GARIN6: variants seen among roughly 807,000 people sequenced by gnomAD.
GARIN6 encodes Golgi-associated RAB2 interactor protein 6.
At chr12:99,649,225 C>G in the GARIN6 span, 1 of 1,250,076 alleles carries the variant, frequency 8.0e-7, no homozygotes, top group Admixed American at 1.7e-5. Flanking sequence ...TGTTGTTTAC[C>G]TATAGGAAGA....
chr12:99,648,368 G>A, the GARIN6 span: 24 of 1,613,970 alleles, frequency 1.5e-5, no homozygotes, highest in Middle Eastern at 1.6e-4. Flanking sequence ...GTGCACAACC[G>A]TGCCCGAATG....
At chr12:99,648,301 G>A in the GARIN6 span, 2 of 1,614,172 alleles carry the variant, frequency 1.2e-6, no homozygotes, top group Non-Finnish European at 1.7e-6. Flanking sequence ...ATTCAGGTAT[G>A]CACCCATGTT....
the GARIN6 span, chr12:99,648,552 G>A: frequency 2.5e-6 from 4 of 1,614,154 alleles, no homozygotes; most frequent in South Asian, 4.4e-5. Context: ...TGATGTTTGT[G>A]AAAATAACCA....
the GARIN6 span, chr12:99,648,003 A>G: frequency 1.2e-6 from 1 of 863,750 alleles, no homozygotes; most frequent in Non-Finnish European, 1.7e-6. Context: ...AGCGGTTGGT[A>G]ATCAATACCC....
At chr12:99,648,079 A>C in the GARIN6 span, 1 of 1,504,646 alleles carries the variant, frequency 6.6e-7, no homozygotes, top group Non-Finnish European at 8.9e-7. Context: ...CTGCTGGCCC[A>C]CCTGCCAGAG....
chr12:99,648,080 C>G, the GARIN6 span: 1 of 1,505,078 alleles, frequency 6.6e-7, no homozygotes, highest in East Asian at 2.3e-5. Flanking sequence ...TGCTGGCCCA[C>G]CTGCCAGAGT....
At chr12:99,649,147 T>C in the GARIN6 span, 727 of 707,098 alleles carry the variant, frequency 1.0e-3, 2 homozygotes, top group Middle Eastern at 0.011. Context: ...CGTGTCTCCC[T>C]GCAATTGCCA....
At chr12:99,649,831 C>T in the GARIN6 span, 1 of 152,374 alleles carries the variant, frequency 6.6e-6, no homozygotes, top group South Asian at 1.9e-4. Context: ...CAAAGGCTGA[C>T]TCTCTGCTAC....
the GARIN6 span, chr12:99,648,414 C>G: frequency 4.1e-3 from 6,598 of 1,614,190 alleles, 33 homozygotes; most frequent in Non-Finnish European, 3.7e-3. Context: ...GCCCCTGCCT[C>G]ACACTACCTG....
At chr12:99,648,786 A>G in the GARIN6 span, 84 of 1,609,194 alleles carry the variant, frequency 5.2e-5, no homozygotes, top group Non-Finnish European at 6.7e-5. Flanking sequence ...AGAGGAGCCC[A>G]GTGGTGAGTC....
At chr12:99,649,460 C>A in the GARIN6 span, 1 of 1,317,676 alleles carries the variant, frequency 7.6e-7, no homozygotes, top group Non-Finnish European at 1.1e-6. Context: ...AGTCATAAAA[C>A]CTATAGTGCC....
At chr12:99,648,492 AAG>A in the GARIN6 span, 3 of 1,613,988 alleles carry the variant, frequency 1.9e-6, no homozygotes, top group Admixed American at 3.3e-5. Flanking sequence ...CCACCCAGAA[AAG>A]AGAAAGTCCG....
the GARIN6 span, chr12:99,648,613 T>C: frequency 6.2e-7 from 1 of 1,614,102 alleles, no homozygotes; most frequent in Non-Finnish European, 8.5e-7. Context: ...CACGGGCCGC[T>C]CTTTTTATCT....
At chr12:99,649,284 C>A in the GARIN6 span, 1 of 1,611,098 alleles carries the variant, frequency 6.2e-7, no homozygotes, top group African/African-American at 1.3e-5. Context: ...TGTTCTCTCC[C>A]TAGGGATATG....
chr12:99,649,567 GA>G, the GARIN6 span: 1 of 580,434 alleles, frequency 1.7e-6, no homozygotes, highest in South Asian at 2.1e-5. Context: ...AGACTCAGGA[GA>G]GAAACACAGC....
chr12:99,648,327 C>A, the GARIN6 span: 1 of 1,614,148 alleles, frequency 6.2e-7, no homozygotes, highest in Middle Eastern at 1.6e-4. Flanking sequence ...GCGACTTTAT[C>A]CAGATCAGCA....
the GARIN6 span, chr12:99,648,613 T>A: frequency 6.2e-7 from 1 of 1,613,984 alleles, no homozygotes; most frequent in Non-Finnish European, 8.5e-7. Context: ...CACGGGCCGC[T>A]CTTTTTATCT....
the GARIN6 span, chr12:99,648,139 G>A: frequency 6.3e-7 from 1 of 1,583,678 alleles, no homozygotes; most frequent in Non-Finnish European, 8.6e-7. Context: ...AAGGTGTGGA[G>A]CAGCTGCTGG....
At chr12:99,648,055 C>G in the GARIN6 span, 1 of 1,387,070 alleles carries the variant, frequency 7.2e-7, no homozygotes, top group Non-Finnish European at 9.7e-7. Context: ...AAAAAGAAAG[C>G]CTGCAGAACA....
Sources: gnomAD v4.1 joint callset for allele counts on GRCh38, gnomAD v4.1.1 for gene constraint, MANE v1.5 for transcripts, NCBI Gene and HGNC (gene_info 2026-07-23, HGNC 2026-07-21) for gene names.